LEPROTL1: variants seen among roughly 807,000 people sequenced by gnomAD.
LEPROTL1 encodes leptin receptor overlapping transcript-like 1.
In LEPROTL1, 6 loss-of-function variants were observed where a neutral mutation model predicts 15.4. That is an observed-to-expected ratio of 0.39 (90% CI 0.21 to 0.77). The LOEUF is 0.77. Ranked by LOEUF, LEPROTL1 falls within the 30% of genes least tolerant of loss-of-function variation. The pLI is 0.41. For synonymous variants in LEPROTL1, 56 were observed against 52.6 expected, an observed-to-expected ratio of 1.06 and a Z score of -0.28; for missense variants, 128 against 158.1, an observed-to-expected ratio of 0.81 and a Z score of 1.02.
intron 4 of LEPROTL1, among the ~76,000 whole-genome samples, chr8:30,136,876 C>T (rs1361926994): frequency 6.6e-6 from 1 of 151,944 alleles, no homozygotes; most frequent in East Asian, 1.9e-4. Flanking sequence ...TTAGCAGAGA[C>T]GGGGTTTTGC....
At chr8:30,117,982 G>A (rs1585473026) in intron 3 of LEPROTL1, among the ~76,000 whole-genome samples, 1 of 143,860 alleles carries the variant, frequency 7.0e-6, no homozygotes, top group East Asian at 2.0e-4. Flanking sequence ...TGAATCTACT[G>A]TTTGGGAAAA....
chr8:30,135,257 T>C (rs942842168), intron 4 of LEPROTL1, among the ~76,000 whole-genome samples: 2 of 152,124 alleles, frequency 1.3e-5, no homozygotes, highest in African/African-American at 4.8e-5. Flanking sequence ...CAGGATCATG[T>C]AAATGGGGAA....
At chr8:30,096,382 G>C (rs975972047) in intron 1 of LEPROTL1, 8 of 985,182 alleles carry the variant, frequency 8.1e-6, no homozygotes, top group African/African-American at 3.5e-5. Flanking sequence ...TTGATTTCTT[G>C]ACCTGCCGCT....
chr8:30,113,102 C>T (rs1802678463), downstream of LEPROTL1, among the ~76,000 whole-genome samples: 1 of 136,122 alleles, frequency 7.3e-6, no homozygotes, highest in Non-Finnish European at 1.5e-5. Context: ...GAAACCCCGT[C>T]TCTCCAAAAA....
At chr8:30,112,401 A>ATTTTTT (rs10684450), downstream of LEPROTL1, among the ~76,000 whole-genome samples, 1,899 of 27,818 alleles carry the variant, frequency 0.068, 304 homozygotes, top group South Asian at 0.14. Context: ...TGCCCAGCTA[A>ATTTTTT]TTTTTTTTTT....
At chr8:30,116,285 C>T (rs1273126954) in intron 3 of LEPROTL1, among the ~76,000 whole-genome samples, 1 of 151,996 alleles carries the variant, frequency 6.6e-6, no homozygotes, top group Non-Finnish European at 1.5e-5. Flanking sequence ...GCACACAGCT[C>T]ATAACATCTT....
chr8:30,129,373 G>C (rs975091623), intron 3 of LEPROTL1, among the ~76,000 whole-genome samples: 1 of 152,020 alleles, frequency 6.6e-6, no homozygotes, highest in Non-Finnish European at 1.5e-5. Flanking sequence ...AAGTTTTAAC[G>C]ATTAAAAGTG....
intron 3 of LEPROTL1, among the ~76,000 whole-genome samples, chr8:30,129,540 G>A (rs1217959278): frequency 6.6e-6 from 1 of 151,928 alleles, no homozygotes; most frequent in Non-Finnish European, 1.5e-5. Context: ...CCCCGTCTCT[G>A]CTAAAAATAC....
At chr8:30,133,026 T>A (rs1803061039) in intron 4 of LEPROTL1, 5 of 884,574 alleles carry the variant, frequency 5.7e-6, no homozygotes, top group Non-Finnish European at 8.2e-6. Flanking sequence ...AAGATTAATC[T>A]CATGGCCTGC....
chr8:30,105,682 A>AT (rs397960486), intron 3 of LEPROTL1, 64 bp from the exon 4 acceptor site: 90,971 of 1,184,270 alleles, frequency 0.077, 954 homozygotes, highest in Admixed American at 0.11. Context: ...TAGAGCCTTG[A>AT]TTTTTTTTTT....
chr8:30,124,005 T>C (rs1802872254), intron 3 of LEPROTL1, among the ~76,000 whole-genome samples: 1 of 150,444 alleles, frequency 6.6e-6, no homozygotes, highest in South Asian at 2.1e-4. Context: ...TTCCAGAAGA[T>C]AGCAAGGCCA....
chr8:30,125,769 A>C (rs368219348), intron 3 of LEPROTL1, among the ~76,000 whole-genome samples: 9 of 152,336 alleles, frequency 5.9e-5, no homozygotes, highest in African/African-American at 2.2e-4. Context: ...TCCTGCCTCC[A>C]GGAGAGGGGT....
At chr8:30,138,348 T>C, downstream of LEPROTL1, 1 of 564,908 alleles carries the variant, frequency 1.8e-6, no homozygotes, top group Non-Finnish European at 3.2e-6. Context: ...ACAGTATTGT[T>C]AGCCCCATAT....
downstream of LEPROTL1, among the ~76,000 whole-genome samples, chr8:30,111,074 A>G (rs371952260): frequency 6.6e-6 from 1 of 152,332 alleles, no homozygotes; most frequent in African/African-American, 2.4e-5. Flanking sequence ...TATGTCATCT[A>G]TTTGAAGATT....
chr8:30,104,253 G>A, intron 2 of LEPROTL1, 47 bp from the exon 3 acceptor site: 1 of 1,207,492 alleles, frequency 8.3e-7, no homozygotes, highest in Non-Finnish European at 1.1e-6. Flanking sequence ...TTGTGTGTAG[G>A]AAAATGACAT....
chr8:30,111,443 G>C (rs188008044), downstream of LEPROTL1, among the ~76,000 whole-genome samples: 1 of 152,284 alleles, frequency 6.6e-6, no homozygotes, highest in Admixed American at 6.5e-5. Context: ...GAAATGTCCA[G>C]TGTATTAGGT....
Position 30,134,243 on chromosome 8 carries a change from T to C in LEPROTL1, c.394+1754T>C, listed in dbSNP as rs546221835. On this transcript the variant is annotated intron_variant, in intron 4 of 4. Transcript: ENST00000442880. Reference sequence around the variant, plus strand: ...ATCGAGACCATCCTGGCCGATATGGTGAAACCTCATTTCTACTAAAAATAC... The same window carrying C: ...ATCGAGACCATCCTGGCCGATATGGCGAAACCTCATTTCTACTAAAAATAC... Among the ~76,000 whole-genome samples the C allele has an allele frequency of 2.6e-5, 4 of 152,094 alleles. No homozygotes were observed. In the South Asian group the frequency reaches 8.3e-4, roughly 32 times the overall value.
chr8:30,109,033 C>G (rs1196098800), downstream of LEPROTL1, among the ~76,000 whole-genome samples: 1 of 142,640 alleles, frequency 7.0e-6, no homozygotes, highest in Non-Finnish European at 1.5e-5. Flanking sequence ...TCAAACCACC[C>G]CCCCGCCCCG....
At chr8:30,115,219 G>A (rs568332866) in intron 3 of LEPROTL1, among the ~76,000 whole-genome samples, 39 of 151,894 alleles carry the variant, frequency 2.6e-4, no homozygotes, top group Admixed American at 1.6e-3. Context: ...AAAATTAGCC[G>A]GATGTGGTGC....
Sources: gnomAD v4.1 joint callset for allele counts (sites outside exome capture counted in the v4.1 genomes callset) on GRCh38, gnomAD v4.1.1 for gene constraint, MANE v1.5 for transcripts, NCBI Gene and HGNC (gene_info 2026-07-23, HGNC 2026-07-21) for gene names.